PTCH1: variants seen among roughly 807,000 people sequenced by gnomAD.
PTCH1 encodes the protein patched 1.
In PTCH1, 14 loss-of-function variants were observed where a neutral mutation model predicts 144.6. The observed-to-expected ratio is 0.10, with a 90% CI of 0.06 to 0.15. The LOEUF is 0.15. Ranked by LOEUF, PTCH1 falls within the 10% of genes least tolerant of loss-of-function variation. The pLI is 1.00. For synonymous variants in PTCH1, 833 were observed against 793.6 expected, an observed-to-expected ratio of 1.05 and a Z score of -0.83; for missense variants, 1,623 against 1,948.3, an observed-to-expected ratio of 0.83 and a Z score of 3.14.
rs769719333 is a variant in PTCH1 at position 95,482,182 on chromosome 9, C to A, written c.606G>T (p.Leu202Phe). 6.2e-7 allele frequency: 1 copy of A among 1,614,066 alleles called. No individual in the cohort carries two copies. The change falls in exon 4 of 24, where the codon TTG (leucine) becomes TTT (phenylalanine). Residue 202 changes from leucine to phenylalanine, a missense_variant. Physicochemically the swap from Leu to Phe is conservative, Grantham distance 22. Around this residue, in one of 7 missense-constraint regions of PTCH1, gnomAD observed 39 missense variants for 75.6 expected, o/e 0.52. Transcript: ENST00000331920. ...MYNRQWKLEHLCYKSGELITE... is the reference protein window; with the variant it reads ...MYNRQWKLEHFCYKSGELITE... ...TGATAAGCTCTCCTGATTTGTAACA[C>A]AAATGTTCCAATTTCCACTGCCTAA...
intron 16 of PTCH1, 70 bp downstream of exon 16, chr9:95,461,786 C>T (rs974450406): frequency 2.5e-5 from 40 of 1,601,330 alleles, no homozygotes; most frequent in Non-Finnish European, 3.4e-5. Flanking sequence ...CACACGCTGT[C>T]AAGCAGCCTC....
intron 2 of PTCH1, among the ~76,000 whole-genome samples, chr9:95,494,659 C>T (rs1402500607): frequency 6.6e-6 from 1 of 152,174 alleles, no homozygotes; most frequent in Admixed American, 6.5e-5. Flanking sequence ...GGTGTGATGA[C>T]GAGCGCGCGC....
At chr9:95,511,290 C>T (rs1844148825), upstream of PTCH1, among the ~76,000 whole-genome samples, 1 of 148,414 alleles carries the variant, frequency 6.7e-6, no homozygotes, top group African/African-American at 2.4e-5. Flanking sequence ...GCGCCTTCTC[C>T]TTCCTCCCTC....
At chr9:95,497,210 A>T (rs1371627503) in intron 2 of PTCH1, among the ~76,000 whole-genome samples, 2 of 151,984 alleles carry the variant, frequency 1.3e-5, no homozygotes, top group African/African-American at 4.8e-5. Context: ...GAGTGTAGTC[A>T]CTCTCAGGGC....
At chr9:95,504,568 T>C (rs529615395) in intron 2 of PTCH1, among the ~76,000 whole-genome samples, 122 of 152,156 alleles carry the variant, frequency 8.0e-4, no homozygotes, top group Non-Finnish European at 1.5e-3. Context: ...TCATGCCCTA[T>C]TCTGTCCAAG....
In PTCH1 at chr9:95,449,528, A is replaced by G. The variant is rs376732423; in HGVS notation, c.3550-205T>C. ...GCAGAAGAACTGTCCTCTGCTCCAC[A>G]CTGGAAAGGCAGGATGTGTACTTTT... is the stretch of plus-strand genomic sequence containing the variant. On this transcript the variant is annotated intron_variant, in intron 21 of 23. Coordinates refer to ENST00000331920, the MANE Select transcript of PTCH1 (RefSeq NM_000264.5). The surrounding 1 kb of genome is among the most constrained non-coding windows in gnomAD (Gnocchi z 5.3). 134 of 703,938 alleles carry G rather than the reference A, an allele frequency of 1.9e-4. No homozygotes were observed. In the East Asian group the frequency reaches 2.6e-3, roughly 13 times the overall value. 43.6% of individuals were successfully genotyped at this position (703,938 alleles called of 1,614,324 possible).
intron 18 of PTCH1, among the ~76,000 whole-genome samples, 191 bp downstream of exon 18, chr9:95,457,822 C>G (rs1839072603): frequency 1.3e-5 from 2 of 152,278 alleles, no homozygotes; most frequent in South Asian, 4.1e-4. Flanking sequence ...GGAGAGAGGA[C>G]CTACGAATAA....
Position 95,506,420 on chromosome 9 carries a change from C to T in PTCH1, c.381G>A (p.Glu127=), listed in dbSNP as rs1232294231. ...KAANLETNVE[E]LWVEVGGRVS... is the part of the protein sequence containing the mutation. ...GGGCGCTCTTACCTTCCACCCACAG[C>T]TCCTCCACGTTGGTCTCGAGGTTCG... The change falls in exon 2 of 24, where the codon GAG becomes GAA. Residue 127 remains glutamate (E), a synonymous_variant. Transcript: ENST00000331920. The T allele has an allele frequency of 7.4e-6, 12 of 1,611,442 alleles. No homozygotes were observed. Among genetic ancestry groups the T allele is most frequent in the South Asian group, 6.6e-5 (6 of 90,828 alleles).
In PTCH1 at chr9:95,508,880, C is replaced by G. The variant is rs1843975132; in HGVS notation, c.-519G>C. ...CGGCCGCGGAGGGCAAGCGCAGAGC[C>G]GCCGCCGCCGCGGGGTCCGAGGGTG... is the stretch of plus-strand genomic sequence containing the variant. On this transcript the variant is annotated 5_prime_UTR_variant, in exon 1 of 24. Coordinates refer to ENST00000331920, the MANE Select transcript of PTCH1 (RefSeq NM_000264.5). 2.2e-6 allele frequency: 2 copies of G among 929,436 alleles called. No individual in the cohort carries two copies. The highest frequency in any genetic ancestry group is 1.2e-4 in the East Asian group (1 of 8,448). The allele number at this position is 929,436 out of a possible 1,614,324, so 57.6% of individuals were successfully genotyped here.
upstream of PTCH1, among the ~76,000 whole-genome samples, chr9:95,511,005 G>C (rs142608852): frequency 4.7e-5 from 7 of 148,664 alleles, no homozygotes; most frequent in Non-Finnish European, 7.5e-5. Context: ...CGGACGTGCC[G>C]GACGCGCCGT....
intron 2 of PTCH1, among the ~76,000 whole-genome samples, chr9:95,499,510 CA>C (rs1843006461): frequency 6.7e-6 from 1 of 149,384 alleles, no homozygotes; most frequent in South Asian, 2.1e-4. Flanking sequence ...GGGAAGGGGG[CA>C]GGGGAGAGAG....
intron 2 of PTCH1, 33 bp downstream of exon 2, chr9:95,506,374 C>T (rs756245178): frequency 1.2e-6 from 2 of 1,604,058 alleles, no homozygotes; most frequent in Non-Finnish European, 1.7e-6. Context: ...GGGACCGGGC[C>T]GGGGGCGCGG....
intron 2 of PTCH1, among the ~76,000 whole-genome samples, chr9:95,486,872 G>A (rs892293043): frequency 6.6e-5 from 10 of 152,192 alleles, no homozygotes; most frequent in African/African-American, 2.4e-4. Context: ...CAGGAACCTA[G>A]AGCTCCCCCA....
chr9:95,473,723 T>C (rs1435577482), intron 12 of PTCH1, among the ~76,000 whole-genome samples: 2 of 151,998 alleles, frequency 1.3e-5, no homozygotes, highest in African/African-American at 2.4e-5. Context: ...TTTGTATTTT[T>C]AGTAGAGACG....
At chr9:95,475,343 C>T (rs564251086) in intron 12 of PTCH1, among the ~76,000 whole-genome samples, 10 of 152,202 alleles carry the variant, frequency 6.6e-5, no homozygotes, top group African/African-American at 2.2e-4. Context: ...GGCCCACGTG[C>T]TCTGCATGGG....
chr9:95,511,015 T>C (rs1844126905), upstream of PTCH1, among the ~76,000 whole-genome samples: 1 of 149,462 alleles, frequency 6.7e-6, no homozygotes, highest in South Asian at 2.1e-4. Flanking sequence ...GGACGCGCCG[T>C]AGTACATTCC....
At position 95,476,822 on chromosome 9, in the gene PTCH1, A is replaced by G; in HGVS notation, c.1539T>C (p.Asp513=). Residue 513 remains aspartate, a synonymous_variant, in exon 11 of 24, where the codon GAT becomes GAC. Coordinates refer to ENST00000331920, the MANE Select transcript of PTCH1 (RefSeq NM_000264.5). This position sits in a 1 kb window ranked among gnomAD's most constrained non-coding sequence, Gnocchi z 4.6. ...AGGCGTGGGCCAGAAGAAAAACATC[A>G]TCCACACCAACACCAAGAGCGAGAA... ...LPFLALGVGV[D]DVFLLAHAFS... The G allele has an allele frequency of 6.2e-7, 1 of 1,614,150 alleles. No homozygotes were observed. Among genetic ancestry groups the G allele is most frequent in the Non-Finnish European group, 8.5e-7 (1 of 1,179,966 alleles).
At position 95,507,037 on chromosome 9, in the gene PTCH1, G is replaced by C. The variant is rs1012521766; in HGVS notation, c.202-438C>G. The C allele has an allele frequency of 4.0e-6, 4 of 988,558 alleles. No individual in the cohort carries two copies. The Admixed American group carries it at 2.4e-4, about 60-fold the overall frequency. The allele number at this position is 988,558 out of a possible 1,614,324, so 61.2% of individuals were successfully genotyped here. A position where few individuals can be genotyped will look rare whatever the true frequency, so the allele number is the denominator to read the frequency against. On this transcript the variant is annotated intron_variant, in intron 1 of 23. Coordinates refer to ENST00000331920, the MANE Select transcript of PTCH1 (RefSeq NM_000264.5). ...GCTCTGTCCATCACCCTCGGGGACG[G>C]GCGCTAGGGGCGAGCGCTCTTTGGA...
intron 3 of PTCH1, among the ~76,000 whole-genome samples, chr9:95,485,322 G>A (rs1314498983): frequency 1.3e-5 from 2 of 152,102 alleles, no homozygotes; most frequent in Non-Finnish European, 2.9e-5. Context: ...CTTCTTTTTC[G>A]CATTGTTTTT....
Sources: gnomAD v4.1 joint callset for allele counts (sites outside exome capture counted in the v4.1 genomes callset) on GRCh38, gnomAD v4.1.1 for gene constraint, gnomAD v4.1.1 regional missense constraint, Gnocchi (gnomAD v3.1) non-coding constraint, MANE v1.5 for transcripts, NCBI Gene and HGNC (gene_info 2026-07-23, HGNC 2026-07-21) for gene names.